The following GRIP1 variants were observed in gnomAD, a reference collection of about 807,000 sequenced individuals.
GRIP1 encodes the protein glutamate receptor-interacting protein 1.
GRIP1 carries 45 observed loss-of-function variants against 129.9 expected under a neutral mutation model. The observed-to-expected ratio is 0.35, with a 90% CI of 0.27 to 0.44. The LOEUF is 0.44. GRIP1 is among the 20% of genes least tolerant of loss of function. The pLI, the probability that GRIP1 is intolerant of heterozygous loss-of-function variation, is 1.00. For synonymous variants in GRIP1, 530 were observed against 520.8 expected (o/e 1.02, Z -0.24); for missense variants, 1,196 against 1,396.8 (o/e 0.86, Z 2.29).
intron 9 of GRIP1, among the ~76,000 whole-genome samples, chr12:66,458,725 TG>T (rs2059044251): frequency 6.6e-6 from 1 of 152,242 alleles, no homozygotes; most frequent in Non-Finnish European, 1.5e-5. Flanking sequence ...AGGCAGCCCC[TG>T]CCTATCTCTC....
At chr12:66,953,730 TA>T (rs2041796053) in intron 1 of GRIP1, among the ~76,000 whole-genome samples, 1 of 152,054 alleles carries the variant, frequency 6.6e-6, no homozygotes, top group Non-Finnish European at 1.5e-5. Context: ...GGCAGCACTA[TA>T]AAAGATTAGG....
chr12:66,669,445 T>C (rs947733952), intron 1 of GRIP1, among the ~76,000 whole-genome samples: 3 of 152,164 alleles, frequency 2.0e-5, no homozygotes, highest in African/African-American at 4.8e-5. Context: ...AGATACTTAT[T>C]GGGCATTTTC....
At chr12:66,424,317 T>C (rs190407102) in intron 14 of GRIP1, among the ~76,000 whole-genome samples, 1 of 152,332 alleles carries the variant, frequency 6.6e-6, no homozygotes, top group East Asian at 1.9e-4. Context: ...ATGTATTTTC[T>C]TTGTACCAAA....
At chr12:66,469,546 A>G (rs1336518568) in intron 7 of GRIP1, among the ~76,000 whole-genome samples, 1 of 152,242 alleles carries the variant, frequency 6.6e-6, no homozygotes, top group Non-Finnish European at 1.5e-5. Context: ...GAGACATCAC[A>G]TAATATGAAG....
intron 2 of GRIP1, among the ~76,000 whole-genome samples, chr12:66,561,615 G>GT (rs1327987633): frequency 1.3e-5 from 2 of 152,126 alleles, no homozygotes; most frequent in African/African-American, 4.8e-5. Context: ...TTTGCAAATG[G>GT]TTCATTATGC....
chr12:66,877,930 A>C (rs2040410390), intron 1 of GRIP1, among the ~76,000 whole-genome samples: 1 of 152,160 alleles, frequency 6.6e-6, no homozygotes, highest in Non-Finnish European at 1.5e-5. Context: ...CTGTGGGCCA[A>C]CATTACAGAA....
chr12:66,557,983 A>G (rs575257777), intron 2 of GRIP1, among the ~76,000 whole-genome samples: 2 of 152,310 alleles, frequency 1.3e-5, no homozygotes, highest in African/African-American at 4.8e-5. Flanking sequence ...ACTGAAATGA[A>G]GAAAACAATA....
chr12:66,517,960 A>T lies in GRIP1; in HGVS notation c.519T>A (p.Asp173Glu). 1 of 1,590,168 alleles carries T rather than the reference A, an allele frequency of 6.3e-7. No individual in the cohort carries two copies. Among genetic ancestry groups the T allele is most frequent in the Non-Finnish European group, 8.6e-7 (1 of 1,158,376 alleles). Residue 173 changes from aspartate to glutamate, a missense_variant, in exon 6 of 25, where the codon GAT (aspartate) becomes GAA (glutamate). Coordinates refer to ENST00000359742, the MANE Select transcript of GRIP1 (RefSeq NM_001366722.1). ...TCACAACTGGACGAGATTTATTTCT[A>T]TCATCATGTGCTCCCCCTAGCAAAG... ...GFVIRGGAHD[D>E]RNKSRPVVIT...
intron 1 of GRIP1, among the ~76,000 whole-genome samples, chr12:66,975,578 G>A (rs911386664): frequency 9.9e-5 from 15 of 152,064 alleles, no homozygotes; most frequent in Non-Finnish European, 1.8e-4. Context: ...CAAAACCATC[G>A]TCACATGAAA....
chr12:66,955,507 T>G (rs1301844862), intron 1 of GRIP1, among the ~76,000 whole-genome samples: 4 of 18,174 alleles, frequency 2.2e-4, no homozygotes, highest in Non-Finnish European at 3.7e-4. Context: ...TTTTTTGGTT[T>G]TTTTTTTTTT....
intron 1 of GRIP1, among the ~76,000 whole-genome samples, chr12:66,951,719 T>C (rs2041760823): frequency 6.6e-6 from 1 of 152,176 alleles, no homozygotes; most frequent in Non-Finnish European, 1.5e-5. Context: ...AGCTTAGCCT[T>C]GCGTATCTGG....
intron 1 of GRIP1, among the ~76,000 whole-genome samples, chr12:66,915,136 C>T (rs186465423): frequency 6.6e-6 from 1 of 152,174 alleles, no homozygotes; most frequent in Non-Finnish European, 1.5e-5. Flanking sequence ...GACAGAAAGT[C>T]CAAAAGAAAA....
intron 1 of GRIP1, among the ~76,000 whole-genome samples, chr12:67,022,086 C>G (rs146478419): frequency 3.2e-4 from 48 of 152,276 alleles, no homozygotes; most frequent in Non-Finnish European, 5.3e-4. Context: ...CCTATCTTAG[C>G]TATTGTGAAT....
rs571826034 is a variant in GRIP1 at position 67,042,527 on chromosome 12, T to C, written c.58+26523A>G. Among the ~76,000 whole-genome samples the C allele has an allele frequency of 3.3e-5, 5 of 152,344 alleles. No homozygotes were observed. The South Asian group carries it at 1.0e-3, about 32-fold the overall frequency. On this transcript the variant is annotated intron_variant, in intron 1 of 1. Transcript: ENST00000643019. ...CTCACAGGATACAAATATCCTTATTTCTCTGCCAGGCATTCTTTTTCTTAA... is the reference window on the plus strand; with the variant it reads ...CTCACAGGATACAAATATCCTTATTCCTCTGCCAGGCATTCTTTTTCTTAA...
rs376830179 is a variant in GRIP1, at chr12:66,444,359, G to A, written c.1687+225C>T. Among the ~76,000 whole-genome samples, 82 of 151,454 alleles carry A rather than the reference G, an allele frequency of 5.4e-4. 2 individuals carry two copies. In the South Asian group the frequency reaches 0.015, roughly 28 times the overall value. On this transcript the variant is annotated intron_variant, in intron 13 of 24. Coordinates refer to ENST00000359742, the MANE Select transcript of GRIP1 (RefSeq NM_001366722.1). Reference sequence around the variant, plus strand: ...AAATTAGCCGGGCGCGGTGGCGGGCGCCTGTAGTCCCAGCTACTCGGGAGG... The same window carrying A: ...AAATTAGCCGGGCGCGGTGGCGGGCACCTGTAGTCCCAGCTACTCGGGAGG...
chr12:67,002,406 C>T (rs2042564290), intron 1 of GRIP1, among the ~76,000 whole-genome samples: 1 of 152,174 alleles, frequency 6.6e-6, no homozygotes, highest in Admixed American at 6.6e-5. Context: ...GTAGTAAACA[C>T]TGCACACCGG....
rs2035711516 is a variant in GRIP1 at position 66,711,480 on chromosome 12, A to C, written c.-419-81144T>G. ...ATCACAAAAGGTTTTGACATCAAGA[A>C]AGTTAAATTTTGCCTAAGCCATGAC... On this transcript the variant is annotated intron_variant, in intron 1 of 4. Transcript: ENST00000538373. Among the ~76,000 whole-genome samples, 3 of 152,048 alleles carry C rather than the reference A, an allele frequency of 2.0e-5. No individual in the cohort carries two copies. The South Asian group carries it at 6.2e-4, about 31-fold the overall frequency.
At chr12:66,748,639 T>C (rs1349353447) in intron 1 of GRIP1, among the ~76,000 whole-genome samples, 1 of 152,216 alleles carries the variant, frequency 6.6e-6, no homozygotes, top group Non-Finnish European at 1.5e-5. Flanking sequence ...TAAGGTCCAA[T>C]TCTATATTTG....
Position 66,725,682 on chromosome 12 carries a change from C to T in GRIP1, c.-420+78371G>A, listed in dbSNP as rs148698490. Among the ~76,000 whole-genome samples the T allele has an allele frequency of 1.4e-3, 213 of 152,204 alleles. 5 individuals are homozygous for T. The East Asian group carries it at 0.039, about 28-fold the overall frequency. ...AGCGTTTCTCAAACTTTTGACTACA[C>T]TTAAACTAAAAAATAAATTTTACAT... On this transcript the variant is annotated intron_variant, in intron 1 of 4. Transcript: ENST00000538373.
Sources: gnomAD v4.1 joint callset for allele counts (sites outside exome capture counted in the v4.1 genomes callset) on GRCh38, gnomAD v4.1.1 for gene constraint, MANE v1.5 for transcripts, NCBI Gene and HGNC (gene_info 2026-07-23, HGNC 2026-07-21) for gene names.